The following EPHA3 variants were observed in gnomAD, a reference collection of about 807,000 sequenced individuals.
EPHA3 encodes EPH receptor A3.
Under a neutral mutation model 107.1 loss-of-function variants are expected in EPHA3, and 42 were observed. That is an observed-to-expected ratio of 0.39 (90% CI 0.31 to 0.51). The LOEUF (loss-of-function observed/expected upper bound fraction) is 0.51. Ranked by LOEUF, EPHA3 falls within the 20% of genes least tolerant of loss-of-function variation. The probability of loss-of-function intolerance (pLI) is 0.78; values close to 1 mark genes in which losing one functional copy is unlikely to be tolerated. For missense variants in EPHA3, 1,183 were observed against 1,211.2 expected, an observed-to-expected ratio of 0.98 and a Z score of 0.35; for synonymous variants, 461 against 424.8, an observed-to-expected ratio of 1.09 and a Z score of -1.05.
At chr3:89,371,888 T>C (rs1476246791) in intron 5 of EPHA3, among the ~76,000 whole-genome samples, 1 of 151,632 alleles carries the variant, frequency 6.6e-6, no homozygotes, top group East Asian at 1.9e-4. Flanking sequence ...ACTCAACATT[T>C]GAAGAGTTAC....
intron 2 of EPHA3, among the ~76,000 whole-genome samples, chr3:89,178,455 T>C (rs1347597310): frequency 5.9e-5 from 9 of 152,154 alleles, no homozygotes; most frequent in African/African-American, 1.9e-4. Context: ...TGTGGAGTTA[T>C]ATGTCATAGC....
chr3:89,157,603 G>T (rs1336487976), intron 2 of EPHA3, among the ~76,000 whole-genome samples: 1 of 151,968 alleles, frequency 6.6e-6, no homozygotes, highest in Non-Finnish European at 1.5e-5. Context: ...GATGACTGTT[G>T]TAAAGGGGTA....
chr3:89,397,064 T>C (rs1160189657), intron 6 of EPHA3, among the ~76,000 whole-genome samples: 1 of 152,040 alleles, frequency 6.6e-6, no homozygotes, highest in Non-Finnish European at 1.5e-5. Flanking sequence ...ATTATTGGCA[T>C]AATCAACTGT....
chr3:89,317,471 A>G (rs1262309263), intron 3 of EPHA3, among the ~76,000 whole-genome samples: 1 of 151,770 alleles, frequency 6.6e-6, no homozygotes, highest in Non-Finnish European at 1.5e-5. Context: ...AAAGTAGCAA[A>G]ATATTATAAA....
At chr3:89,244,506 T>C (rs1454353722) in intron 3 of EPHA3, among the ~76,000 whole-genome samples, 1 of 152,162 alleles carries the variant, frequency 6.6e-6, no homozygotes, top group Non-Finnish European at 1.5e-5. Context: ...ATTAAATTTT[T>C]GAAGCCAATG....
chr3:89,218,249 C>T (rs1307359090), intron 3 of EPHA3, among the ~76,000 whole-genome samples: 1 of 151,594 alleles, frequency 6.6e-6, no homozygotes, highest in Admixed American at 6.6e-5. Context: ...ATTATCTCCT[C>T]ATTTGGCATT....
At chr3:89,146,158 A>G (rs1576182413) in intron 2 of EPHA3, among the ~76,000 whole-genome samples, 1 of 151,908 alleles carries the variant, frequency 6.6e-6, no homozygotes, top group Admixed American at 6.6e-5. Flanking sequence ...GTCCTGCTCC[A>G]TCCCACTCAG....
intron 3 of EPHA3, among the ~76,000 whole-genome samples, chr3:89,224,163 T>C (rs1467507665): frequency 6.6e-6 from 1 of 152,190 alleles, no homozygotes; most frequent in African/African-American, 2.4e-5. Flanking sequence ...TGTTACACTC[T>C]CATTTGTAGT....
intron 3 of EPHA3, among the ~76,000 whole-genome samples, chr3:89,227,642 C>A (rs1345046297): frequency 6.6e-6 from 1 of 151,948 alleles, no homozygotes; most frequent in Non-Finnish European, 1.5e-5. Flanking sequence ...TCTATTTGTG[C>A]ATAGTTAGGT....
At chr3:89,277,222 A>G (rs1705828279) in intron 3 of EPHA3, among the ~76,000 whole-genome samples, 2 of 152,158 alleles carry the variant, frequency 1.3e-5, no homozygotes, top group Admixed American at 6.6e-5. Flanking sequence ...TGCAAATAAT[A>G]TTAAATTAAA....
chr3:89,384,187 G>A (rs981163375), intron 5 of EPHA3, among the ~76,000 whole-genome samples: 5 of 151,914 alleles, frequency 3.3e-5, no homozygotes, highest in African/African-American at 1.2e-4. Flanking sequence ...ATTATCAACT[G>A]TAGTTTTAAA....
intron 15 of EPHA3, among the ~76,000 whole-genome samples, chr3:89,459,875 T>A (rs1206601815): frequency 6.6e-6 from 1 of 152,130 alleles, no homozygotes; most frequent in Non-Finnish European, 1.5e-5. Flanking sequence ...ACCATGAAAA[T>A]AAATAGAAAA....
At chr3:89,282,682 A>G (rs2107317003) in intron 3 of EPHA3, among the ~76,000 whole-genome samples, 1 of 152,200 alleles carries the variant, frequency 6.6e-6, no homozygotes, top group African/African-American at 2.4e-5. Context: ...TATAAGTACC[A>G]ATTTGGGGAT....
At chr3:89,374,862 A>T (rs1291736173) in intron 5 of EPHA3, among the ~76,000 whole-genome samples, 3 of 151,804 alleles carry the variant, frequency 2.0e-5, no homozygotes, top group African/African-American at 7.3e-5. Context: ...CTTAGAGTAG[A>T]CAGAAAAATA....
intron 3 of EPHA3, among the ~76,000 whole-genome samples, chr3:89,320,387 G>A (rs1406290723): frequency 6.6e-6 from 1 of 151,876 alleles, no homozygotes; most frequent in Non-Finnish European, 1.5e-5. Context: ...TTGACACAGA[G>A]GAATAGAATT....
chr3:89,416,019 G>A (rs1490026952), intron 10 of EPHA3, among the ~76,000 whole-genome samples: 1 of 151,378 alleles, frequency 6.6e-6, no homozygotes, highest in Admixed American at 6.6e-5. Flanking sequence ...GGACTTAGCT[G>A]ACACAGAAGC....
chr3:89,181,665 A>C (rs1001893937), intron 2 of EPHA3, among the ~76,000 whole-genome samples: 2 of 151,978 alleles, frequency 1.3e-5, no homozygotes, highest in African/African-American at 2.4e-5. Flanking sequence ...GAATTATGAG[A>C]TATCAAGACC....
rs147456330 is a variant in EPHA3 at position 89,439,386 on chromosome 3, A to T, written c.2346+8027A>T. Among the ~76,000 whole-genome samples the T allele has an allele frequency of 6.9e-3, 1,046 of 152,214 alleles. 9 individuals carry two copies. Among genetic ancestry groups the T allele is most frequent in the African/African-American group, 0.023 (954 of 41,536 alleles). ...CGTGGGAGGGTCGCTTGAGCCCAGGAGGTCAGGGCTGCAGTGAGCCTTGAT... is the reference window on the plus strand; with the variant it reads ...CGTGGGAGGGTCGCTTGAGCCCAGGTGGTCAGGGCTGCAGTGAGCCTTGAT... On this transcript the variant is annotated intron_variant, in intron 13 of 16. Coordinates refer to ENST00000336596, the MANE Select transcript of EPHA3 (RefSeq NM_005233.6).
At chr3:89,283,366 T>C (rs1378538349) in intron 3 of EPHA3, among the ~76,000 whole-genome samples, 1 of 152,052 alleles carries the variant, frequency 6.6e-6, no homozygotes, top group Non-Finnish European at 1.5e-5. Flanking sequence ...GGTGAGGGAA[T>C]ATGGTGGGAA....
Sources: gnomAD v4.1 joint callset for allele counts (sites outside exome capture counted in the v4.1 genomes callset) on GRCh38, gnomAD v4.1.1 for gene constraint, MANE v1.5 for transcripts, NCBI Gene and HGNC (gene_info 2026-07-23, HGNC 2026-07-21) for gene names.